Variants in LIMCH1 observed in about 807,000 individuals in gnomAD.
The protein encoded by LIMCH1 is LIM and calponin homology domains-containing protein 1.
In LIMCH1, 113 loss-of-function variants were observed where a neutral mutation model predicts 176.5. The ratio of observed to expected loss-of-function variants is 0.64; its 90% CI spans 0.55 to 0.75. The LOEUF (loss-of-function observed/expected upper bound fraction) is 0.75, where lower values mean the gene tolerates loss of function less well. Among genes scored for constraint, LIMCH1 ranks in the 30% least tolerant of loss-of-function variants. The pLI, the probability that LIMCH1 is intolerant of heterozygous loss-of-function variation, is 0.00. For missense variants in LIMCH1, 1,674 were observed against 1,814.9 expected (o/e 0.92, Z 1.41); for synonymous variants, 619 against 645.9 (o/e 0.96, Z 0.63).
chr4:41,491,924 C>T lies in LIMCH1; in HGVS notation c.97-2612C>T, dbSNP rs558567494. 4.9e-4 allele frequency among the ~76,000 whole-genome samples: 74 copies of T among 151,286 alleles called. 1 individual carries two copies. The South Asian group carries it at 6.9e-3, about 14-fold the overall frequency. ...GGCACTCCTCACGTCCCAGACGGGGCGGCCGGGCAGAGGGGCTCCTCACAT... is the reference window on the plus strand; with the variant it reads ...GGCACTCCTCACGTCCCAGACGGGGTGGCCGGGCAGAGGGGCTCCTCACAT... On this transcript the variant is annotated intron_variant, in intron 1 of 26. Transcript: ENST00000313860.
intron 2 of LIMCH1, among the ~76,000 whole-genome samples, chr4:41,508,354 C>T (rs1436701570): frequency 1.3e-5 from 2 of 152,176 alleles, no homozygotes; most frequent in Admixed American, 6.5e-5. Flanking sequence ...GGTCCTGATA[C>T]AAGCCAGAAA....
At position 41,566,922 on chromosome 4, in the gene LIMCH1, TC is replaced by T. The variant is rs553242841; in HGVS notation, c.-241+28573del. ...TTCAAGCCTAGACTGGGCAGCTTCA[TC>T]ATGAGGACTGAATCATTGTCAATCC... On this transcript the variant is annotated intron_variant, in intron 1 of 31. Transcript: ENST00000503057. Among the ~76,000 whole-genome samples, 431 of 152,342 alleles carry T rather than the reference TC, an allele frequency of 2.8e-3. 2 individuals are homozygous for T. The highest frequency in any genetic ancestry group is 0.01 in the African/African-American group (419 of 41,570).
intron 20 of LIMCH1, among the ~76,000 whole-genome samples, chr4:41,663,852 T>TA (rs34659309): frequency 0.019 from 1,536 of 82,748 alleles, 45 homozygotes; most frequent in African/African-American, 0.043. Flanking sequence ...TCTTCATCTC[T>TA]AAAAAAAAAA....
chr4:41,360,937 G>T lies in LIMCH1; in HGVS notation c.96+1G>T, dbSNP rs1424920965. ...CTCCGAGGCGCAGAAGTGGATTGAG[G>T]TAGGTGCGGGTGGCTGGCGGGCGGC... On this transcript the variant is annotated splice_donor_variant, in intron 1 of 26. Transcript: ENST00000313860. LOFTEE classifies it high-confidence loss of function. The surrounding 1 kb of genome is among the most constrained non-coding windows in gnomAD (Gnocchi z 4.5). The T allele has an allele frequency of 1.2e-5, 19 of 1,572,484 alleles. No homozygotes were observed. Among genetic ancestry groups the T allele is most frequent in the Non-Finnish European group, 1.4e-5 (16 of 1,162,384 alleles).
intron 27 of LIMCH1, 89 bp from the exon 28 acceptor site, chr4:41,685,621 C>T (rs1323119790): frequency 2.0e-6 from 3 of 1,495,476 alleles, no homozygotes; most frequent in Non-Finnish European, 2.8e-6. Flanking sequence ...AAAACCTCAA[C>T]AGGCATTAGC....
chr4:41,632,659 A>C, intron 10 of LIMCH1, 90 bp from the exon 11 acceptor site: 2 of 1,006,360 alleles, frequency 2.0e-6, no homozygotes, highest in East Asian at 5.2e-5. Flanking sequence ...TTCTTCTCTT[A>C]ATCTTTCAGT....
chr4:41,398,480 A>G (rs191292762), intron 1 of LIMCH1, among the ~76,000 whole-genome samples: 158 of 152,220 alleles, frequency 1.0e-3, no homozygotes, highest in Admixed American at 2.7e-3. Flanking sequence ...TTTCTCACAT[A>G]TCTCTTTTTG....
At chr4:41,639,192 C>T (rs539529764) in intron 14 of LIMCH1, among the ~76,000 whole-genome samples, 81 of 152,308 alleles carry the variant, frequency 5.3e-4, no homozygotes, top group African/African-American at 1.9e-3. Flanking sequence ...CTGCTTGAAA[C>T]TTAACATTTG....
intron 7 of LIMCH1, among the ~76,000 whole-genome samples, chr4:41,623,981 T>G (rs2092768280): frequency 6.6e-6 from 1 of 152,188 alleles, no homozygotes; most frequent in Non-Finnish European, 1.5e-5. Context: ...TTCTTCTATT[T>G]TATTTTATGG....
intron 1 of LIMCH1, among the ~76,000 whole-genome samples, chr4:41,491,322 G>A (rs951415690): frequency 6.7e-6 from 1 of 149,480 alleles, no homozygotes; most frequent in Admixed American, 6.6e-5. Context: ...GGGCAGCCAG[G>A]CAGAGGTGCT....
intron 1 of LIMCH1, among the ~76,000 whole-genome samples, chr4:41,440,395 A>G (rs553636914): frequency 6.6e-6 from 1 of 152,336 alleles, no homozygotes; most frequent in African/African-American, 2.4e-5. Context: ...GCCTGTACTT[A>G]GCAGAGCAAT....
intron 1 of LIMCH1, among the ~76,000 whole-genome samples, chr4:41,475,502 T>C (rs2067588669): frequency 6.6e-6 from 1 of 152,206 alleles, no homozygotes; most frequent in Admixed American, 6.5e-5. Context: ...TGAATTCAGC[T>C]AAGGTGGGAA....
chr4:41,431,655 T>C (rs1425665859), intron 1 of LIMCH1, among the ~76,000 whole-genome samples: 1 of 152,206 alleles, frequency 6.6e-6, no homozygotes, highest in Non-Finnish European at 1.5e-5. Context: ...ACAGTTGACT[T>C]CGCAAAGATC....
rs192696297 is a variant in LIMCH1, at chr4:41,519,952, C to A, written c.168-4457C>A. On this transcript the variant is annotated intron_variant, in intron 2 of 26. Coordinates refer to the LIMCH1 transcript ENST00000313860. Reference sequence around the variant, plus strand: ...AGGCTACTGACTCCAAATTCACTGCCTCTTCCTCTTCATCAAGCTGAATGT... The same window carrying A: ...AGGCTACTGACTCCAAATTCACTGCATCTTCCTCTTCATCAAGCTGAATGT... Among the ~76,000 whole-genome samples the A allele has an allele frequency of 1.4e-3, 214 of 152,280 alleles. 1 individual carries two copies. The highest frequency in any genetic ancestry group is 7.9e-4 in the Non-Finnish European group (54 of 68,028).
At position 41,490,989 on chromosome 4, in the gene LIMCH1, T is replaced by C. The variant is rs1280055683; in HGVS notation, c.97-3547T>C. ...CCCAGACGGGGCGGCCGGGCAGAGGTGCTCCTCACTTCCCAGACGGGGCGG... is the reference window on the plus strand; with the variant it reads ...CCCAGACGGGGCGGCCGGGCAGAGGCGCTCCTCACTTCCCAGACGGGGCGG... On this transcript the variant is annotated intron_variant, in intron 1 of 26. Transcript: ENST00000313860. Among the ~76,000 whole-genome samples, 614 of 109,900 alleles carry C rather than the reference T, an allele frequency of 5.6e-3. 6 individuals carry two copies. The highest frequency in any genetic ancestry group is 0.015 in the African/African-American group (423 of 28,464). 72.1% of individuals were successfully genotyped at this position (109,900 alleles called of 152,430 possible).
intron 1 of LIMCH1, among the ~76,000 whole-genome samples, chr4:41,488,912 C>T (rs2070219923): frequency 6.6e-6 from 1 of 152,006 alleles, no homozygotes; most frequent in Admixed American, 6.6e-5. Flanking sequence ...TTATTTCTTC[C>T]TTAAATATTT....
intron 1 of LIMCH1, among the ~76,000 whole-genome samples, chr4:41,576,377 G>A (rs765720336): frequency 9.2e-5 from 14 of 152,246 alleles, no homozygotes; most frequent in Non-Finnish European, 1.6e-4. Context: ...AACCTTTAGG[G>A]AGGACAATTT....
chr4:41,490,990 G>C (rs1453058694), intron 1 of LIMCH1, among the ~76,000 whole-genome samples: 1 of 149,442 alleles, frequency 6.7e-6, no homozygotes, highest in Admixed American at 6.6e-5. Context: ...GGGCAGAGGT[G>C]CTCCTCACTT....
Position 41,633,075 on chromosome 4 carries a change from A to T in LIMCH1, c.1819A>T (p.Ser607Cys). ...AAAGGCAGAAAGATCAGAGGACAGC[A>T]GCCAGCCACTGTGAGCATCTTGCCT... ...LSKAERSEDS[S>C]QPLVCPLASE... The change falls in exon 12 of 32, where the codon AGC becomes TGC. Residue 607 changes from serine to cysteine, a missense_variant. Coordinates refer to ENST00000503057, the MANE Select transcript of LIMCH1 (RefSeq NM_001330672.2). 6.5e-7 allele frequency: 1 copy of T among 1,534,240 alleles called. No individual in the cohort carries two copies. Among genetic ancestry groups the T allele is most frequent in the Non-Finnish European group, 8.7e-7 (1 of 1,145,798 alleles).
Sources: allele counts gnomAD v4.1 joint callset (sites outside exome capture counted in the v4.1 genomes callset), GRCh38; gene constraint gnomAD v4.1.1; non-coding constraint Gnocchi (gnomAD v3.1); transcripts MANE v1.5; gene names NCBI Gene and HGNC (gene_info 2026-07-23, HGNC 2026-07-21).